The following OR2I1 variants were observed in gnomAD, a reference collection of about 807,000 sequenced individuals.
The protein encoded by OR2I1 is putative olfactory receptor 2I1.
At chr6:29,550,466 A>G in the OR2I1 span, 1 of 152,128 alleles carries the variant, frequency 6.6e-6, no homozygotes, top group East Asian at 1.9e-4. Flanking sequence ...CAGGAGGGAT[A>G]TTTGCTACCA....
the OR2I1 span, chr6:29,556,017 T>C: frequency 6.2e-7 from 1 of 1,613,140 alleles, no homozygotes; most frequent in Non-Finnish European, 8.5e-7. Context: ...CCCGTCTTAG[T>C]CTCGATCATT....
chr6:29,555,874 G>A, the OR2I1 span: 1 of 1,610,388 alleles, frequency 6.2e-7, no homozygotes, highest in Admixed American at 1.7e-5. Flanking sequence ...CCCATGCCCA[G>A]GGTGGTCACC....
chr6:29,551,455 CT>C, the OR2I1 span, among the ~76,000 whole-genome samples: 1 of 152,200 alleles, frequency 6.6e-6, no homozygotes, highest in African/African-American at 2.4e-5. Flanking sequence ...AGTAATTTAA[CT>C]TCAGTTACTC....
chr6:29,556,280 A>T, the OR2I1 span: 4 of 1,612,982 alleles, frequency 2.5e-6, no homozygotes, highest in East Asian at 8.9e-5. Context: ...ATGTTCTTTG[A>T]TTTTTTTCAC....
the OR2I1 span, chr6:29,553,493 C>G: frequency 2.5e-6 from 1 of 398,506 alleles, no homozygotes; most frequent in African/African-American, 2.1e-5. Flanking sequence ...CTCTGGCTGC[C>G]GCGCAGCCAC....
At chr6:29,556,368 C>G in the OR2I1 span, 1 of 1,595,592 alleles carries the variant, frequency 6.3e-7, no homozygotes, top group African/African-American at 1.3e-5. Flanking sequence ...GTGAAAGCCA[C>G]AAGACAGTTA....
the OR2I1 span, among the ~76,000 whole-genome samples, chr6:29,551,323 C>T: frequency 1.2e-4 from 19 of 152,130 alleles, no homozygotes; most frequent in African/African-American, 4.6e-4. Context: ...TTTGCATGTC[C>T]TTTCATACTC....
At chr6:29,552,159 T>C in the OR2I1 span, among the ~76,000 whole-genome samples, 1 of 152,202 alleles carries the variant, frequency 6.6e-6, no homozygotes, top group African/African-American at 2.4e-5. Flanking sequence ...AGGTTCCTTT[T>C]GTTCCCTGGG....
the OR2I1 span, chr6:29,555,792 G>A: frequency 3.8e-6 from 4 of 1,039,754 alleles, no homozygotes; most frequent in South Asian, 6.1e-5. Flanking sequence ...CATTAATTTT[G>A]GGAAATCATC....
chr6:29,552,684 A>C, the OR2I1 span: 4 of 152,308 alleles, frequency 2.6e-5, no homozygotes, highest in African/African-American at 9.6e-5. Flanking sequence ...TTACAGTTAT[A>C]CAGTTACACA....
chr6:29,555,533 T>C, the OR2I1 span: 5 of 257,356 alleles, frequency 1.9e-5, no homozygotes, highest in Non-Finnish European at 7.3e-6. Context: ...ACCTAAAACT[T>C]ACTCTCTTGT....
At chr6:29,553,492 C>G in the OR2I1 span, 1 of 398,514 alleles carries the variant, frequency 2.5e-6, no homozygotes, top group African/African-American at 2.1e-5. Context: ...GCTCTGGCTG[C>G]CGCGCAGCCA....
At chr6:29,550,756 A>G in the OR2I1 span, 1 of 152,164 alleles carries the variant, frequency 6.6e-6, no homozygotes, top group Non-Finnish European at 1.5e-5. Context: ...AAATACTCCC[A>G]ACTCCATTTC....
At chr6:29,553,995 C>T in the OR2I1 span, 4 of 398,886 alleles carry the variant, frequency 1.0e-5, no homozygotes, top group Admixed American at 1.8e-4. Flanking sequence ...TCTACACCTA[C>T]CTGCAGCCCG....
chr6:29,553,348 C>T, the OR2I1 span: 6,588 of 399,450 alleles, frequency 0.016, 174 homozygotes, highest in East Asian at 0.081. Context: ...CAACTCGGCG[C>T]TGGTGCTGCT....
the OR2I1 span, chr6:29,553,535 T>C: frequency 5.0e-6 from 2 of 398,550 alleles, no homozygotes; most frequent in Non-Finnish European, 8.8e-6. Context: ...TCGCTGGCTC[T>C]GGGTTCCGCC....
At chr6:29,552,391 T>C in the OR2I1 span, among the ~76,000 whole-genome samples, 1 of 152,248 alleles carries the variant, frequency 6.6e-6, no homozygotes, top group Non-Finnish European at 1.5e-5. Flanking sequence ...AGTGTTCTTT[T>C]TTTCTACCCA....
the OR2I1 span, chr6:29,555,679 C>T: frequency 1.7e-6 from 1 of 572,128 alleles, no homozygotes; most frequent in Non-Finnish European, 3.1e-6. Flanking sequence ...TAGTAAAAAT[C>T]ATGTCACTTA....
the OR2I1 span, chr6:29,556,040 G>A: frequency 6.2e-7 from 1 of 1,613,088 alleles, no homozygotes; most frequent in East Asian, 2.2e-5. Context: ...TTTCACTTGT[G>A]CCACTGAGCT....
Sources: allele counts gnomAD v4.1 joint callset (sites outside exome capture counted in the v4.1 genomes callset), GRCh38; gene constraint gnomAD v4.1.1; transcripts MANE v1.5; gene names NCBI Gene and HGNC (gene_info 2026-07-23, HGNC 2026-07-21).